Variants in NOTCH2NLC observed in about 807,000 individuals in gnomAD.
NOTCH2NLC encodes the protein notch 2 N-terminal like C.
Under a neutral mutation model 17.7 loss-of-function variants are expected in NOTCH2NLC, and 4 were observed. The observed-to-expected ratio is 0.23, with a 90% CI of 0.11 to 0.52. NOTCH2NLC has a LOEUF of 0.52. Ranked by LOEUF, NOTCH2NLC falls within the 20% of genes least tolerant of loss-of-function variation. The pLI, the probability that NOTCH2NLC is intolerant of heterozygous loss-of-function variation, is 0.96. For synonymous variants in NOTCH2NLC, 18 were observed against 86.0 expected, an observed-to-expected ratio of 0.21 and a Z score of 4.38; for missense variants, 57 against 207.2, an observed-to-expected ratio of 0.28 and a Z score of 4.45.
chr1:149,445,141 A>C (rs2084541783), intron 2 of NOTCH2NLC, among the ~76,000 whole-genome samples: 1 of 138,602 alleles, frequency 7.2e-6, no homozygotes, highest in Non-Finnish European at 1.6e-5. Flanking sequence ...AGAATTAAAA[A>C]GTTGACAAGC....
rs1168777251 is a variant in NOTCH2NLC at position 149,464,348 on chromosome 1, A to AC, written c.*198dup. 8.3e-6 allele frequency: 1 copy of AC among 119,940 alleles called. No homozygotes were observed. The highest frequency in any genetic ancestry group is 1.7e-5 in the Non-Finnish European group (1 of 57,672). 7.4% of individuals were successfully genotyped at this position (119,940 alleles called of 1,614,324 possible). ...TGGCCTTCACAACCCTCTCCCATGT[A>AC]CCCTCTCTGACTTTGGGGTAACCCT... On this transcript the variant is annotated 3_prime_UTR_variant, in exon 5 of 5. Coordinates refer to ENST00000650865, the MANE Select transcript of NOTCH2NLC (RefSeq NM_001364013.2).
intron 1 of NOTCH2NLC, among the ~76,000 whole-genome samples, chr1:149,415,938 G>A (rs1180158965): frequency 2.7e-5 from 4 of 150,662 alleles, no homozygotes; most frequent in Non-Finnish European, 5.9e-5. Context: ...ACTTATTATA[G>A]TTTAAAACTT....
At chr1:149,400,112 TTATATA>T (rs1213013864) in intron 1 of NOTCH2NLC, among the ~76,000 whole-genome samples, 5 of 138,784 alleles carry the variant, frequency 3.6e-5, no homozygotes, top group Non-Finnish European at 6.3e-5. Flanking sequence ...GTTGATTTAT[TTATATA>T]TATATATATA....
chr1:149,395,911 TGTTGA>T (rs2084204728), intron 1 of NOTCH2NLC, among the ~76,000 whole-genome samples: 1 of 149,182 alleles, frequency 6.7e-6, no homozygotes, highest in African/African-American at 2.5e-5. Context: ...AATCACATGG[TGTTGA>T]GTTGTCTCTG....
At chr1:149,424,871 A>G (rs1454831678) in intron 1 of NOTCH2NLC, among the ~76,000 whole-genome samples, 1 of 151,098 alleles carries the variant, frequency 6.6e-6, no homozygotes, top group African/African-American at 2.4e-5. Flanking sequence ...GTCTCTTTCA[A>G]ACAACCAGCT....
Position 149,471,193 on chromosome 1 carries a change from T to A in NOTCH2NLC, c.*7040T>A, listed in dbSNP as rs1375091424. ...TTATCTTTTTAATATTGAACTGTAATAGTTTTAAAAAAATATATCCTAAAT... is the reference window on the plus strand; with the variant it reads ...TTATCTTTTTAATATTGAACTGTAAAAGTTTTAAAAAAATATATCCTAAAT... On this transcript the variant is annotated 3_prime_UTR_variant, in exon 5 of 5. Transcript: ENST00000650865. Among the ~76,000 whole-genome samples, 1 of 151,098 alleles carries A rather than the reference T, an allele frequency of 6.6e-6. No homozygotes were observed. The highest frequency in any genetic ancestry group is 2.4e-5 in the African/African-American group (1 of 41,118).
intron 2 of NOTCH2NLC, among the ~76,000 whole-genome samples, chr1:149,443,594 T>G (rs2084533132): frequency 6.6e-6 from 1 of 151,244 alleles, no homozygotes; most frequent in South Asian, 2.1e-4. Flanking sequence ...TGAGACTTAA[T>G]GAAATTTTAG....
At chr1:149,415,140 T>G (rs1466967427) in intron 1 of NOTCH2NLC, among the ~76,000 whole-genome samples, 1 of 122,204 alleles carries the variant, frequency 8.2e-6, no homozygotes, top group Non-Finnish European at 1.7e-5. Flanking sequence ...TTTTTTTTTT[T>G]GAAGTCTTTC....
chr1:149,446,486 T>C (rs2084553863), intron 2 of NOTCH2NLC, among the ~76,000 whole-genome samples: 1 of 148,032 alleles, frequency 6.8e-6, no homozygotes, highest in African/African-American at 2.5e-5. Flanking sequence ...CCTCTCAATG[T>C]CAGAAATGAC....
At chr1:149,461,343 A>T (rs1398834619) in intron 3 of NOTCH2NLC, among the ~76,000 whole-genome samples, 1,504 of 148,982 alleles carry the variant, frequency 0.01, 19 homozygotes, top group South Asian at 0.02. Flanking sequence ...TAGTGACATG[A>T]GTGGAAAGAC....
chr1:149,427,478 T>C (rs1488422495), intron 1 of NOTCH2NLC, among the ~76,000 whole-genome samples: 1 of 145,204 alleles, frequency 6.9e-6, no homozygotes, highest in Non-Finnish European at 1.5e-5. Context: ...TTCCATTGTA[T>C]GTATCTACCA....
chr1:149,417,097 CTTTTTTT>C (rs1171555647), intron 1 of NOTCH2NLC, among the ~76,000 whole-genome samples: 219 of 69,532 alleles, frequency 3.1e-3, no homozygotes, highest in South Asian at 0.02. Flanking sequence ...TCAGGTTTTC[CTTTTTTT>C]TTTTTTTTTT....
chr1:149,462,961 A>G (rs1205254803), intron 3 of NOTCH2NLC, among the ~76,000 whole-genome samples: 3 of 141,586 alleles, frequency 2.1e-5, no homozygotes, highest in African/African-American at 7.8e-5. Flanking sequence ...TCAGCCTTCC[A>G]AGTAGCTGGG....
At chr1:149,429,157 C>T (rs2084429686) in intron 1 of NOTCH2NLC, among the ~76,000 whole-genome samples, 1 of 148,500 alleles carries the variant, frequency 6.7e-6, no homozygotes, top group South Asian at 2.2e-4. Flanking sequence ...CCTGGTGACT[C>T]TTTGTGTGAT....
At chr1:149,425,523 G>C (rs1230458705) in intron 1 of NOTCH2NLC, among the ~76,000 whole-genome samples, 1 of 151,076 alleles carries the variant, frequency 6.6e-6, no homozygotes, top group Non-Finnish European at 1.5e-5. Flanking sequence ...CTCTGATCTG[G>C]AAGGCCAGCA....
chr1:149,393,001 C>T (rs1475870772), intron 1 of NOTCH2NLC, among the ~76,000 whole-genome samples: 1 of 130,748 alleles, frequency 7.6e-6, no homozygotes, highest in Non-Finnish European at 1.6e-5. Flanking sequence ...ACCCGGGAGG[C>T]GGAGCTTGCA....
intron 1 of NOTCH2NLC, among the ~76,000 whole-genome samples, chr1:149,416,722 A>G (rs1476952082): frequency 3.8e-4 from 57 of 150,176 alleles, no homozygotes; most frequent in African/African-American, 1.2e-3. Context: ...AATTTCAGTC[A>G]TAGGGTAGTT....
At chr1:149,447,856 G>C in intron 2 of NOTCH2NLC, among the ~76,000 whole-genome samples, 1 of 146,962 alleles carries the variant, frequency 6.8e-6, no homozygotes, top group South Asian at 2.2e-4. Context: ...GATTACTAAA[G>C]AGTAAGATGG....
Position 149,471,778 on chromosome 1 carries a change from A to G in NOTCH2NLC, c.*7625A>G. The stretch of plus-strand genomic sequence containing the variant: ...TTAAAAATGGTGATTTTTGTGATAT[A>G]TGAATTATACTATGGAACTAATAAT... On this transcript the variant is annotated 3_prime_UTR_variant, in exon 5 of 5. Transcript: ENST00000650865. 6.8e-6 allele frequency among the ~76,000 whole-genome samples: 1 copy of G among 146,730 alleles called. No homozygotes were observed. Among genetic ancestry groups the G allele is most frequent in the South Asian group, 2.2e-4 (1 of 4,566 alleles).
Sources: allele counts gnomAD v4.1 joint callset (sites outside exome capture counted in the v4.1 genomes callset), GRCh38; gene constraint gnomAD v4.1.1; transcripts MANE v1.5; gene names NCBI Gene and HGNC (gene_info 2026-07-23, HGNC 2026-07-21).